The following ELOVL2 variants were observed in gnomAD, a reference collection of about 807,000 sequenced individuals.
The protein encoded by ELOVL2 is ELOVL fatty acid elongase 2, also known as very long chain fatty acid elongase 2.
In ELOVL2, 38 loss-of-function variants were observed where a neutral mutation model predicts 37.7. That is an observed-to-expected ratio of 1.01 (90% CI 0.78 to 1.32). The LOEUF (loss-of-function observed/expected upper bound fraction) is 1.32. ELOVL2 is among the 40% of genes most tolerant of loss of function. ELOVL2 has a pLI of 0.00. For missense variants in ELOVL2, 352 were observed against 363.6 expected (o/e 0.97, Z 0.26); for synonymous variants, 115 against 122.3 (o/e 0.94, Z 0.40).
rs988807317 is a variant in ELOVL2 at position 10,983,467 on chromosome 6, C to T, written c.*314G>A. On this transcript the variant is annotated 3_prime_UTR_variant, in exon 8 of 8. Coordinates refer to ENST00000354666, the MANE Select transcript of ELOVL2 (RefSeq NM_017770.4). ...ACTCTCTGTGAGAAACAATGCTCCA[C>T]GTTTCCTGGCTGTGTATGCGTATAA... 1.6e-5 allele frequency: 3 copies of T among 193,008 alleles called. No individual in the cohort carries two copies. Among genetic ancestry groups the T allele is most frequent in the East Asian group, 1.3e-4 (1 of 7,942 alleles). 12.0% of individuals were successfully genotyped at this position (193,008 alleles called of 1,614,324 possible).
intron 1 of ELOVL2, among the ~76,000 whole-genome samples, chr6:11,041,474 C>T (rs995169381): frequency 6.6e-6 from 1 of 152,114 alleles, no homozygotes; most frequent in Non-Finnish European, 1.5e-5. Flanking sequence ...AAATGCTATA[C>T]GTTCGAAGAA....
intron 2 of ELOVL2, among the ~76,000 whole-genome samples, chr6:11,009,108 C>T (rs990066587): frequency 1.3e-5 from 2 of 152,012 alleles, no homozygotes; most frequent in Admixed American, 6.5e-5. Context: ...TGTAATAAAC[C>T]CTGGAGATAA....
chr6:11,016,539 G>A (rs17675114), intron 1 of ELOVL2, among the ~76,000 whole-genome samples: 16,656 of 152,122 alleles, frequency 0.11, 1,229 homozygotes, highest in Non-Finnish European at 0.17. Context: ...AATAGATTTC[G>A]TACTAACCTA....
At chr6:11,026,709 G>C (rs900759512) in intron 1 of ELOVL2, among the ~76,000 whole-genome samples, 10 of 152,106 alleles carry the variant, frequency 6.6e-5, no homozygotes, top group African/African-American at 2.4e-4. Context: ...GTACTAAAAG[G>C]CCTCTCTAGC....
chr6:11,044,121 C>T lies in ELOVL2; in HGVS notation c.3+107G>A, dbSNP rs1783166432. ...AGGGTAGCGGGTTCCAGCGGCGAAC[C>T]CGCAGCGCCCGCGCCGGCGCCCGCT... On this transcript the variant is annotated intron_variant, in intron 1 of 7. Transcript: ENST00000354666. This position sits in a 1 kb window ranked among gnomAD's most constrained non-coding sequence, Gnocchi z 5.6. The T allele has an allele frequency of 7.6e-7, 1 of 1,315,352 alleles. No individual in the cohort carries two copies. Among genetic ancestry groups the T allele is most frequent in the Non-Finnish European group, 9.8e-7 (1 of 1,018,256 alleles). The allele number at this position is 1,315,352 out of a possible 1,614,324, so 81.5% of individuals were successfully genotyped here.
At position 11,000,139 on chromosome 6, in the gene ELOVL2, C is replaced by A; in HGVS notation, c.281G>T (p.Gly94Val). Reference sequence around the variant, plus strand: ...AAGATCTTGACACTGTAAGTTGTAGCCTCCTTCCCAAGTGGAGAGAATGAG... The same window carrying A: ...AAGATCTTGACACTGTAAGTTGTAGACTCCTTCCCAAGTGGAGAGAATGAG... ...AELILSTWEG[G>V]YNLQCQDLTS... The change falls in exon 4 of 8, where the codon GGC becomes GTC. Residue 94 changes from glycine (G) to valine (V), a missense_variant. Transcript: ENST00000354666. 1 of 1,614,112 alleles carries A rather than the reference C, an allele frequency of 6.2e-7. No individual in the cohort carries two copies. Among genetic ancestry groups the A allele is most frequent in the Non-Finnish European group, 8.5e-7 (1 of 1,180,006 alleles).
At chr6:11,029,104 T>C in intron 1 of ELOVL2, among the ~76,000 whole-genome samples, 1 of 147,304 alleles carries the variant, frequency 6.8e-6, no homozygotes, top group East Asian at 2.0e-4. Flanking sequence ...AGCACATGCC[T>C]GTAGTCCTAG....
chr6:10,999,020 T>C (rs533669192), intron 4 of ELOVL2, among the ~76,000 whole-genome samples: 80 of 152,276 alleles, frequency 5.3e-4, no homozygotes, highest in African/African-American at 1.8e-3. Context: ...ATTTATCCCA[T>C]AGTGTACTAT....
At chr6:11,038,688 T>C (rs1282844180) in intron 1 of ELOVL2, among the ~76,000 whole-genome samples, 2 of 152,186 alleles carry the variant, frequency 1.3e-5, no homozygotes, top group African/African-American at 4.8e-5. Flanking sequence ...TATTTAAAAA[T>C]GACATAACCT....
intron 5 of ELOVL2, among the ~76,000 whole-genome samples, chr6:10,993,745 T>G (rs1581860984): frequency 6.6e-6 from 1 of 151,928 alleles, no homozygotes; most frequent in Non-Finnish European, 1.5e-5. Flanking sequence ...TGGAGTGCAG[T>G]GGCGTGATCT....
chr6:11,031,764 A>G (rs534386314), intron 1 of ELOVL2, among the ~76,000 whole-genome samples: 5 of 152,076 alleles, frequency 3.3e-5, no homozygotes, highest in Non-Finnish European at 7.4e-5. Flanking sequence ...CATAACCTCT[A>G]TTTTCTAACA....
chr6:11,035,874 T>A (rs1281780304), intron 1 of ELOVL2, among the ~76,000 whole-genome samples: 1 of 152,224 alleles, frequency 6.6e-6, no homozygotes, highest in Admixed American at 6.5e-5. Flanking sequence ...GCTTACACAC[T>A]GCCTCTAATT....
At chr6:11,031,441 T>C (rs553938227) in intron 1 of ELOVL2, among the ~76,000 whole-genome samples, 2 of 152,364 alleles carry the variant, frequency 1.3e-5, no homozygotes, top group African/African-American at 4.8e-5. Context: ...TGCAATTCCT[T>C]ATTACTACTG....
chr6:10,992,839 C>T (rs1055087914), intron 5 of ELOVL2, among the ~76,000 whole-genome samples: 4 of 150,658 alleles, frequency 2.7e-5, no homozygotes, highest in Non-Finnish European at 4.4e-5. Flanking sequence ...AAAATATATA[C>T]AGTACATCAT....
At chr6:10,986,566 T>TG (rs1782057511) in intron 7 of ELOVL2, among the ~76,000 whole-genome samples, 1 of 152,206 alleles carries the variant, frequency 6.6e-6, no homozygotes, top group Middle Eastern at 3.2e-3. Context: ...GAAGGGTTGT[T>TG]GAATTTTGTC....
chr6:11,010,768 C>CA lies in ELOVL2; in HGVS notation c.44dup (p.Leu15PhefsTer39), dbSNP rs1782560106. On this transcript the variant is annotated frameshift_variant, in exon 2 of 8. Coordinates refer to ENST00000354666, the MANE Select transcript of ELOVL2 (RefSeq NM_017770.4). LOFTEE classifies it high-confidence loss of function. ...GACCTCGCGGTCCAAACATATTGTC[C>CA]AAAAAAGCATTGATTTCATCATCAA... 6.2e-7 allele frequency: 1 copy of CA among 1,611,628 alleles called. No individual in the cohort carries two copies. The highest frequency in any genetic ancestry group is 8.5e-7 in the Non-Finnish European group (1 of 1,179,352).
At chr6:11,012,318 T>C (rs950212736) in intron 1 of ELOVL2, among the ~76,000 whole-genome samples, 4 of 152,220 alleles carry the variant, frequency 2.6e-5, no homozygotes, top group African/African-American at 9.6e-5. Context: ...ATATTCATCT[T>C]TGTTTCCATG....
At chr6:11,020,507 C>G (rs910455517) in intron 1 of ELOVL2, among the ~76,000 whole-genome samples, 4 of 152,182 alleles carry the variant, frequency 2.6e-5, no homozygotes, top group Non-Finnish European at 5.9e-5. Flanking sequence ...CAGTCACTGT[C>G]TAATATTTCC....
At chr6:10,989,981 C>A in intron 6 of ELOVL2, 144 bp from the exon 7 acceptor site, 2 of 921,014 alleles carry the variant, frequency 2.2e-6, no homozygotes, top group Non-Finnish European at 3.1e-6. Context: ...AAGCAGCCCC[C>A]TCATCCAGAA....
Sources: gnomAD v4.1 joint callset for allele counts (sites outside exome capture counted in the v4.1 genomes callset) on GRCh38, gnomAD v4.1.1 for gene constraint, Gnocchi (gnomAD v3.1) non-coding constraint, MANE v1.5 for transcripts, NCBI Gene and HGNC (gene_info 2026-07-23, HGNC 2026-07-21) for gene names.